The following TACC2 variants were observed in gnomAD, a reference collection of about 807,000 sequenced individuals.
TACC2 encodes transforming acidic coiled-coil containing protein 2, also known as transforming acidic coiled-coil-containing protein 2.
A neutral mutation model predicts 227.3 loss-of-function variants in TACC2; 137 were observed. The observed-to-expected ratio is 0.60, with a 90% CI of 0.52 to 0.69. The LOEUF (loss-of-function observed/expected upper bound fraction) is 0.69, where lower values mean the gene tolerates loss of function less well. Ranked by LOEUF, TACC2 falls within the 30% of genes least tolerant of loss-of-function variation. TACC2 has a pLI of 0.00. For missense variants in TACC2, 3,470 were observed against 3,694.4 expected, an observed-to-expected ratio of 0.94 and a Z score of 1.57; for synonymous variants, 1,523 against 1,487.5, an observed-to-expected ratio of 1.02 and a Z score of -0.55.
At chr10:122,108,387 T>TC (rs1491308657) in intron 5 of TACC2, among the ~76,000 whole-genome samples, 6 of 131,538 alleles carry the variant, frequency 4.6e-5, no homozygotes, top group Admixed American at 1.6e-4. Flanking sequence ...GCGCTCTCTC[T>TC]TTCTCTCTCT....
chr10:122,072,669 C>A (rs1398269584), intron 3 of TACC2, among the ~76,000 whole-genome samples: 1 of 152,178 alleles, frequency 6.6e-6, no homozygotes, highest in Non-Finnish European at 1.5e-5. Flanking sequence ...ATAGGTGATG[C>A]CTCCCACGGT....
chr10:122,104,876 G>A (rs565447447), intron 5 of TACC2, among the ~76,000 whole-genome samples: 4 of 152,224 alleles, frequency 2.6e-5, no homozygotes, highest in East Asian at 3.9e-4. Context: ...CTCTTCCAAC[G>A]CTGGTTAAAA....
chr10:122,028,974 TCCCC>T (rs1294968881), intron 2 of TACC2, among the ~76,000 whole-genome samples: 2 of 2,762 alleles, frequency 7.2e-4, no homozygotes, highest in African/African-American at 3.4e-3. Flanking sequence ...TTCCCTTCCC[TCCCC>T]TCCCCTCCCC....
At position 122,254,050 on chromosome 10, in the gene TACC2, A is replaced by G; in HGVS notation, c.8841A>G (p.Lys2947=). The G allele has an allele frequency of 6.2e-7, 1 of 1,614,130 alleles. No individual in the cohort carries two copies. Among genetic ancestry groups the G allele is most frequent in the Admixed American group, 1.7e-5 (1 of 60,020 alleles). The change falls in exon 23 of 23, where the codon AAA becomes AAG. Residue 2947 remains lysine (K), a synonymous_variant. Coordinates refer to ENST00000369005, the MANE Select transcript of TACC2 (RefSeq NM_206862.4). ...ACGAACTGATTGCCAAAATGGGGAA[A>G]AGCTAACTCTGAACCGAATGTTTTG... is the stretch of plus-strand genomic sequence containing the variant. ...ICDELIAKMG[K]S
intron 5 of TACC2, among the ~76,000 whole-genome samples, chr10:122,099,822 TG>T (rs2081940880): frequency 6.6e-6 from 1 of 152,232 alleles, no homozygotes; most frequent in Non-Finnish European, 1.5e-5. Flanking sequence ...TTCAAGAAGA[TG>T]GGAAGCTTAT....
At chr10:122,178,519 G>C (rs2093834662) in intron 7 of TACC2, among the ~76,000 whole-genome samples, 1 of 151,966 alleles carries the variant, frequency 6.6e-6, no homozygotes, top group Non-Finnish European at 1.5e-5. Context: ...TTACAGGCAT[G>C]AGCCACCGCG....
chr10:122,252,415 T>G (rs2096269313), intron 22 of TACC2, among the ~76,000 whole-genome samples: 1 of 151,732 alleles, frequency 6.6e-6, no homozygotes, highest in Non-Finnish European at 1.5e-5. Flanking sequence ...CAGCTCACGG[T>G]GGGCACTCCA....
intron 11 of TACC2, among the ~76,000 whole-genome samples, chr10:122,220,471 G>A (rs570581862): frequency 4.2e-4 from 64 of 152,276 alleles, no homozygotes; most frequent in Non-Finnish European, 6.5e-4. Flanking sequence ...GGGCCCCACT[G>A]CATCCACCTC....
chr10:122,004,167 G>A (rs1218951923), intron 1 of TACC2, among the ~76,000 whole-genome samples: 1 of 152,008 alleles, frequency 6.6e-6, no homozygotes, highest in Non-Finnish European at 1.5e-5. Flanking sequence ...GGAGGCCGAG[G>A]TGGGTGGATC....
chr10:122,162,510 G>T (rs2092880672), intron 7 of TACC2, among the ~76,000 whole-genome samples: 1 of 152,200 alleles, frequency 6.6e-6, no homozygotes, highest in Admixed American at 6.5e-5. Flanking sequence ...GTGAGTCTGG[G>T]CTGGGAGCGC....
chr10:122,230,114 C>T (rs1047032375), intron 15 of TACC2, among the ~76,000 whole-genome samples: 16 of 152,142 alleles, frequency 1.1e-4, no homozygotes, highest in Non-Finnish European at 1.3e-4. Context: ...AAAATCATTT[C>T]GTATTCAACT....
chr10:122,214,801 A>G (rs1248254264), intron 9 of TACC2, among the ~76,000 whole-genome samples: 4 of 152,166 alleles, frequency 2.6e-5, no homozygotes, highest in Admixed American at 1.3e-4. Context: ...GACAAAAAAA[A>G]TCATCTCTCC....
At chr10:122,174,941 C>T (rs1923449) in intron 7 of TACC2, among the ~76,000 whole-genome samples, 4 of 151,982 alleles carry the variant, frequency 2.6e-5, no homozygotes, top group Non-Finnish European at 4.4e-5. Flanking sequence ...CATGAAAAGG[C>T]GATCACTGTG....
At chr10:122,005,704 T>G (rs1164154328) in intron 1 of TACC2, among the ~76,000 whole-genome samples, 2 of 149,196 alleles carry the variant, frequency 1.3e-5, no homozygotes, top group African/African-American at 4.9e-5. Flanking sequence ...TTTTCTTTTT[T>G]TTTTTTTGAG....
chr10:122,006,970 T>C (rs150992816), intron 1 of TACC2, among the ~76,000 whole-genome samples: 5,674 of 151,512 alleles, frequency 0.037, 219 homozygotes, highest in African/African-American at 0.098. Context: ...CCAGTGATTC[T>C]CCTGCCTCAG....
At chr10:122,171,439 C>T (rs144281907) in intron 7 of TACC2, among the ~76,000 whole-genome samples, 68 of 152,250 alleles carry the variant, frequency 4.5e-4, no homozygotes, top group African/African-American at 1.5e-3. Context: ...CTTATGGGGC[C>T]GAGAACTCAG....
chr10:122,192,876 C>T (rs933316008), intron 7 of TACC2: 14 of 417,694 alleles, frequency 3.4e-5, no homozygotes, highest in Admixed American at 1.2e-4. Flanking sequence ...GCTGGGTTCC[C>T]GGGGCAGCAC....
intron 1 of TACC2, among the ~76,000 whole-genome samples, chr10:122,008,264 A>ATTATTAT: frequency 0.012 from 1,555 of 134,640 alleles, 40 homozygotes; most frequent in African/African-American, 0.04. Flanking sequence ...TATTATTATT[A>ATTATTAT]TTTTTTTTTT....
intron 5 of TACC2, among the ~76,000 whole-genome samples, chr10:122,105,479 T>C (rs1481952960): frequency 6.6e-6 from 1 of 152,152 alleles, no homozygotes; most frequent in Non-Finnish European, 1.5e-5. Flanking sequence ...TGAAGTTACT[T>C]TCCCTAATAT....
Sources: gnomAD v4.1 joint callset for allele counts (sites outside exome capture counted in the v4.1 genomes callset) on GRCh38, gnomAD v4.1.1 for gene constraint, MANE v1.5 for transcripts, NCBI Gene and HGNC (gene_info 2026-07-23, HGNC 2026-07-21) for gene names.